ZHX3: variants seen among roughly 807,000 people sequenced by gnomAD.
The protein encoded by ZHX3 is zinc fingers and homeoboxes 3.
In ZHX3, 20 loss-of-function variants were observed where a neutral mutation model predicts 64.5. The observed-to-expected ratio is 0.31, with a 90% confidence interval of 0.22 to 0.45. The LOEUF (loss-of-function observed/expected upper bound fraction) is 0.45. Among genes scored for constraint, ZHX3 ranks in the 20% least tolerant of loss-of-function variants. The pLI is 1.00. For missense variants in ZHX3, 1,041 were observed against 1,195.8 expected, an observed-to-expected ratio of 0.87 and a Z score of 1.91; for synonymous variants, 423 against 461.6, an observed-to-expected ratio of 0.92 and a Z score of 1.07.
chr20:41,262,639 T>C (rs544624512), intron 2 of ZHX3, among the ~76,000 whole-genome samples: 2 of 152,302 alleles, frequency 1.3e-5, no homozygotes, highest in East Asian at 3.9e-4. Context: ...CTCATCAACC[T>C]TGAAGGCAGG....
At chr20:41,304,537 C>T (rs982202922) in intron 1 of ZHX3, among the ~76,000 whole-genome samples, 1 of 152,178 alleles carries the variant, frequency 6.6e-6, no homozygotes, top group African/African-American at 2.4e-5. Context: ...TCAGTAAGGG[C>T]TCTACAGAGA....
At chr20:41,215,188 C>G (rs1183763545) in intron 2 of ZHX3, among the ~76,000 whole-genome samples, 1 of 152,036 alleles carries the variant, frequency 6.6e-6, no homozygotes, top group East Asian at 1.9e-4. Context: ...ACCCAGGAGG[C>G]AGAGATTGCA....
At chr20:41,235,233 T>C (rs754305547) in intron 2 of ZHX3, among the ~76,000 whole-genome samples, 26 of 152,088 alleles carry the variant, frequency 1.7e-4, no homozygotes, top group Admixed American at 4.6e-4. Flanking sequence ...CGGCTGTGTA[T>C]AGCTAAAAAA....
chr20:41,196,434 AT>A (rs2037569913), intron 3 of ZHX3, among the ~76,000 whole-genome samples: 8 of 18,046 alleles, frequency 4.4e-4, no homozygotes, highest in East Asian at 5.2e-3. Context: ...ATTTATATAA[AT>A]ATATATATTA....
intron 2 of ZHX3, among the ~76,000 whole-genome samples, chr20:41,235,155 G>A (rs2040884401): frequency 6.6e-6 from 1 of 152,124 alleles, no homozygotes; most frequent in Non-Finnish European, 1.5e-5. Context: ...ATGGCTGGGA[G>A]TGGGGGGTAG....
At position 41,255,062 on chromosome 20, in the gene ZHX3, T is replaced by C. The variant is rs190482800; in HGVS notation, c.-151+13928A>G. ...AAAAAGCGTGTTAAAGGACATGGTATAGCCACCCTACTAGAGTTTAATAAA... is the reference window on the plus strand; with the variant it reads ...AAAAAGCGTGTTAAAGGACATGGTACAGCCACCCTACTAGAGTTTAATAAA... On this transcript the variant is annotated intron_variant, in intron 2 of 3. Transcript: ENST00000683867. Among the ~76,000 whole-genome samples, 77 of 152,242 alleles carry C rather than the reference T, an allele frequency of 5.1e-4. 1 individual carries two copies. The highest frequency in any genetic ancestry group is 4.8e-3 in the East Asian group (25 of 5,172).
At chr20:41,225,225 A>G (rs939453020) in intron 2 of ZHX3, among the ~76,000 whole-genome samples, 1 of 152,214 alleles carries the variant, frequency 6.6e-6, no homozygotes, top group African/African-American at 2.4e-5. Flanking sequence ...TAGACCTGAC[A>G]TGACATTCGG....
At chr20:41,238,752 T>C (rs959919330) in intron 2 of ZHX3, 5 of 152,174 alleles carry the variant, frequency 3.3e-5, no homozygotes, top group African/African-American at 7.2e-5. Context: ...CCAACACCTG[T>C]TCCCCAATCT....
At chr20:41,264,422 G>C (rs563123793) in intron 2 of ZHX3, among the ~76,000 whole-genome samples, 9 of 148,076 alleles carry the variant, frequency 6.1e-5, no homozygotes, top group African/African-American at 2.2e-4. Flanking sequence ...AGCCGGGCAT[G>C]GTGGCACATG....
intron 3 of ZHX3, among the ~76,000 whole-genome samples, chr20:41,196,456 ATT>A (rs1490251627): frequency 8.2e-4 from 3 of 3,678 alleles, no homozygotes; most frequent in African/African-American, 2.3e-3. Context: ...TATATAATAT[ATT>A]TATATATAAT....
chr20:41,234,929 C>A (rs1253240729), intron 2 of ZHX3, among the ~76,000 whole-genome samples: 1 of 152,214 alleles, frequency 6.6e-6, no homozygotes, highest in Non-Finnish European at 1.5e-5. Context: ...TTGTTTTGAA[C>A]AAACTGGCAG....
Position 41,212,519 on chromosome 20 carries a change from C to T in ZHX3, c.-150-7453G>A, listed in dbSNP as rs541652441. Among the ~76,000 whole-genome samples, 4 of 152,190 alleles carry T rather than the reference C, an allele frequency of 2.6e-5. No homozygotes were observed. Among genetic ancestry groups the T allele is most frequent in the Admixed American group, 1.3e-4 (2 of 15,278 alleles). On this transcript the variant is annotated intron_variant, in intron 2 of 3. Transcript: ENST00000683867. This position sits in a 1 kb window ranked among gnomAD's most constrained non-coding sequence, Gnocchi z 4.3. ...TTGCCATAAGATCCAGCAATTTGGC[C>T]GGGCGCAGTGGCTCACACCTGTAAT...
chr20:41,206,928 C>T (rs1335273365), intron 2 of ZHX3, among the ~76,000 whole-genome samples: 1 of 152,096 alleles, frequency 6.6e-6, no homozygotes, highest in Non-Finnish European at 1.5e-5. Context: ...AAAGGGAAGC[C>T]CATCAGAATA....
At chr20:41,269,175 C>A (rs773305636) in intron 1 of ZHX3, 92 bp from the exon 2 acceptor site, 1 of 152,112 alleles carries the variant, frequency 6.6e-6, no homozygotes, top group African/African-American at 2.4e-5. Flanking sequence ...CTAATTCATT[C>A]GCACTAGAAC....
rs1171347988 is a variant in ZHX3 at position 41,226,260 on chromosome 20, G to A, written c.-150-21194C>T. Reference sequence around the variant, plus strand: ...AAAATACAAAAAATTAGCCGGGCGTGCTGGCGAATGGCATGAACGCGGGAG... The same window carrying A: ...AAAATACAAAAAATTAGCCGGGCGTACTGGCGAATGGCATGAACGCGGGAG... On this transcript the variant is annotated intron_variant, in intron 2 of 3. Transcript: ENST00000683867. This position sits in a 1 kb window ranked among gnomAD's most constrained non-coding sequence, Gnocchi z 4.4. Among the ~76,000 whole-genome samples, 6 of 152,112 alleles carry A rather than the reference G, an allele frequency of 3.9e-5. No homozygotes were observed. The highest frequency in any genetic ancestry group is 8.8e-5 in the Non-Finnish European group (6 of 68,018).
chr20:41,315,685 T>C (rs1220776704), intron 1 of ZHX3, among the ~76,000 whole-genome samples: 2 of 151,952 alleles, frequency 1.3e-5, no homozygotes, highest in African/African-American at 2.4e-5. Context: ...TTCCTACTCA[T>C]AAAACAAAGA....
intron 1 of ZHX3, among the ~76,000 whole-genome samples, chr20:41,277,328 T>C (rs758279247): frequency 1.2e-4 from 19 of 152,214 alleles, no homozygotes; most frequent in Non-Finnish European, 2.2e-4. Flanking sequence ...TTCAACTATA[T>C]ACTTTTTTAA....
At chr20:41,205,098 C>T (rs1001323554) in intron 2 of ZHX3, 32 bp from the exon 3 acceptor site, 1 of 1,040,808 alleles carries the variant, frequency 9.6e-7, no homozygotes, top group South Asian at 3.1e-5. Flanking sequence ...TGATTAAGTT[C>T]TCTTAAGTGC....
chr20:41,201,478 G>T lies in ZHX3; in HGVS notation c.2860+579C>A. The T allele has an allele frequency of 1.1e-6, 1 of 943,762 alleles. No individual in the cohort carries two copies. The highest frequency in any genetic ancestry group is 1.5e-6 in the Non-Finnish European group (1 of 675,510). 58.5% of individuals were successfully genotyped at this position (943,762 alleles called of 1,614,324 possible). ...CTTCTATGATACATTTTGCTTTCGA[G>T]TACAATCCAGAGAAACTGAGGAACA... On this transcript the variant is annotated intron_variant, in intron 3 of 3. Transcript: ENST00000683867. The surrounding 1 kb of genome is among the most constrained non-coding windows in gnomAD (Gnocchi z 5.0).
Sources: allele counts gnomAD v4.1 joint callset (sites outside exome capture counted in the v4.1 genomes callset), GRCh38; gene constraint gnomAD v4.1.1; non-coding constraint Gnocchi (gnomAD v3.1); transcripts MANE v1.5; gene names NCBI Gene and HGNC (gene_info 2026-07-23, HGNC 2026-07-21).